ZDHHC15: variants seen among roughly 807,000 people sequenced by gnomAD.
ZDHHC15 encodes palmitoyltransferase ZDHHC15.
A neutral mutation model predicts 31.7 loss-of-function variants in ZDHHC15; 19 were observed. That is an observed-to-expected ratio of 0.60 (90% CI 0.42 to 0.88). The LOEUF (loss-of-function observed/expected upper bound fraction) is 0.88. Ranked by LOEUF, ZDHHC15 falls within the 40% of genes least tolerant of loss-of-function variation. The probability of loss-of-function intolerance (pLI) is 0.00; values close to 1 mark genes in which losing one functional copy is unlikely to be tolerated. For synonymous variants in ZDHHC15, 103 were observed against 90.0 expected, an observed-to-expected ratio of 1.14 and a Z score of -0.82; for missense variants, 209 against 251.2, an observed-to-expected ratio of 0.83 and a Z score of 1.14.
At position 75,368,464 on chromosome X, in the gene ZDHHC15, T is replaced by C; in HGVS notation, c.*4514A>G. 8.9e-6 allele frequency: 1 copy of C among 111,893 alleles called. No homozygotes were observed. 9.2% of individuals were successfully genotyped at this position (111,893 alleles called of 1,213,427 possible). A position where few individuals can be genotyped will look rare whatever the true frequency, so the allele number is the denominator to read the frequency against. The stretch of plus-strand genomic sequence containing the variant: ...ACTTTTAATGAAGGATATAGGAAGA[T>C]AAAGCTGGCCAGCATTTGTCAATAT... On this transcript the variant is annotated 3_prime_UTR_variant, in exon 12 of 12. Coordinates refer to ENST00000373367, the MANE Select transcript of ZDHHC15 (RefSeq NM_144969.3).
At chrX:75,499,160 G>A (rs953980055) in intron 2 of ZDHHC15, among the ~76,000 whole-genome samples, 1 of 111,262 alleles carries the variant, frequency 9.0e-6, no homozygotes, top group Non-Finnish European at 1.9e-5. Context: ...CTTAACCTAA[G>A]ACCTGAAATC....
intron 1 of ZDHHC15, among the ~76,000 whole-genome samples, chrX:75,510,702 A>G (rs368613078): frequency 0.058 from 4,662 of 79,895 alleles, 209 homozygotes; most frequent in South Asian, 0.16. Flanking sequence ...CATTAGGTAT[A>G]TCTCCCAATG....
intron 3 of ZDHHC15, among the ~76,000 whole-genome samples, chrX:75,454,908 G>C (rs904558371): frequency 4.1e-4 from 46 of 111,744 alleles, no homozygotes; most frequent in South Asian, 2.2e-3. Flanking sequence ...CTCATGGATA[G>C]GAAGAATCAA....
At chrX:75,494,808 C>T (rs1222824907) in intron 2 of ZDHHC15, among the ~76,000 whole-genome samples, 16 of 111,925 alleles carry the variant, frequency 1.4e-4, no homozygotes, top group Middle Eastern at 9.2e-3. Context: ...ACTTAAATGT[C>T]AGACCTAAAA....
At chrX:75,518,660 A>G (rs1208011487) in intron 1 of ZDHHC15, among the ~76,000 whole-genome samples, 1 of 105,157 alleles carries the variant, frequency 9.5e-6, no homozygotes, top group East Asian at 3.0e-4. Context: ...AAATAATTGA[A>G]GACAGATATT....
In ZDHHC15 at chrX:75,369,594, C is replaced by G. The variant is rs1216948136; in HGVS notation, c.*3384G>C. 1 of 112,014 alleles carries G rather than the reference C, an allele frequency of 8.9e-6. No homozygotes were observed. The highest frequency in any genetic ancestry group is 3.2e-5 in the African/African-American group (1 of 30,787). 9.2% of individuals were successfully genotyped at this position (112,014 alleles called of 1,213,427 possible). On this transcript the variant is annotated 3_prime_UTR_variant, in exon 12 of 12. Coordinates refer to ENST00000373367, the MANE Select transcript of ZDHHC15 (RefSeq NM_144969.3). ...AGTGCATTCTTTACCTTGGCAATGT[C>G]TGCCCTGAGATTGGGCTCTATGGTG...
At chrX:75,403,082 A>T (rs2083374679) in intron 10 of ZDHHC15, among the ~76,000 whole-genome samples, 1 of 112,562 alleles carries the variant, frequency 8.9e-6, no homozygotes, top group Non-Finnish European at 1.9e-5. Context: ...AGTTGTTTCA[A>T]CATATGAAAA....
intron 2 of ZDHHC15, among the ~76,000 whole-genome samples, chrX:75,495,511 G>A (rs2084978964): frequency 9.0e-6 from 1 of 110,721 alleles, no homozygotes; most frequent in Non-Finnish European, 1.9e-5. Context: ...ATTCACAACA[G>A]CAAAGACTTG....
intron 2 of ZDHHC15, among the ~76,000 whole-genome samples, chrX:75,496,188 G>C (rs190106587): frequency 1.1e-4 from 12 of 111,044 alleles, no homozygotes; most frequent in African/African-American, 3.9e-4. Flanking sequence ...GAAACCAAAA[G>C]TGAACCAGAG....
At position 75,388,184 on chromosome X, in the gene ZDHHC15, A is replaced by C. The variant is rs1001008180; in HGVS notation, c.968-8986T>G. 1.1e-4 allele frequency among the ~76,000 whole-genome samples: 12 copies of C among 112,516 alleles called. No homozygotes were observed. In the Admixed American group the frequency reaches 1.1e-3, roughly 11 times the overall value. On this transcript the variant is annotated intron_variant, in intron 10 of 11. Coordinates refer to ENST00000373367, the MANE Select transcript of ZDHHC15 (RefSeq NM_144969.3). ...CCATCACCAGACCAATCTTACAAGA[A>C]ATGGTAAAGGAGCTCTTCAATTTGA...
intron 11 of ZDHHC15, among the ~76,000 whole-genome samples, chrX:75,374,253 G>A (rs1015250317): frequency 3.7e-5 from 4 of 109,339 alleles, no homozygotes; most frequent in African/African-American, 1.3e-4. Context: ...CTAGGTTTGG[G>A]ATAGCATTAG....
intron 3 of ZDHHC15, among the ~76,000 whole-genome samples, chrX:75,451,488 C>T (rs779233534): frequency 1.8e-5 from 2 of 111,920 alleles, no homozygotes; most frequent in Non-Finnish European, 3.8e-5. Flanking sequence ...GAGCTTGTTG[C>T]CACAATAGTG....
Position 75,373,926 on chromosome X carries a change from G to GTTTTTTTTTTTT in ZDHHC15, c.*33-993_*33-982dup, listed in dbSNP as rs35704680. Among the ~76,000 whole-genome samples the GTTTTTTTTTTTT allele has an allele frequency of 5.2e-3, 260 of 50,444 alleles. 31 individuals carry two copies. The highest frequency in any genetic ancestry group is 5.3e-3 in the Non-Finnish European group (156 of 29,374). The allele number at this position is 50,444 out of a possible 115,157, so 43.8% of individuals were successfully genotyped here. A position where few individuals can be genotyped will look rare whatever the true frequency, so the allele number is the denominator to read the frequency against. Reference sequence around the variant, plus strand: ...ATACTAGGTCTTATTCATTCTTTCTGTTTTTTTTTTTTTTTTTTTTTTGTA... The same window carrying GTTTTTTTTTTTT: ...ATACTAGGTCTTATTCATTCTTTCTGTTTTTTTTTTTTTTTTTTTTTTTTTTTTTTTTTTGTA... On this transcript the variant is annotated intron_variant, in intron 11 of 11. Coordinates refer to ENST00000373367, the MANE Select transcript of ZDHHC15 (RefSeq NM_144969.3).
At chrX:75,469,643 G>T (rs913089513) in intron 3 of ZDHHC15, among the ~76,000 whole-genome samples, 6 of 111,759 alleles carry the variant, frequency 5.4e-5, no homozygotes, top group Non-Finnish European at 1.1e-4. Flanking sequence ...CATTTGGGTT[G>T]CTTCCACCTT....
intron 3 of ZDHHC15, among the ~76,000 whole-genome samples, chrX:75,453,202 G>C (rs1041086716): frequency 3.6e-5 from 4 of 111,339 alleles, no homozygotes; most frequent in Non-Finnish European, 5.7e-5. Flanking sequence ...AAATGATAAA[G>C]GGGATATCAC....
chrX:75,477,845 C>T (rs1278318073), intron 3 of ZDHHC15, among the ~76,000 whole-genome samples: 1 of 111,682 alleles, frequency 9.0e-6, no homozygotes, highest in Non-Finnish European at 1.9e-5. Context: ...TAGTTTAATC[C>T]ATTTATGTTT....
At chrX:75,492,428 G>A (rs1460342657) in intron 2 of ZDHHC15, among the ~76,000 whole-genome samples, 1 of 111,023 alleles carries the variant, frequency 9.0e-6, no homozygotes, top group African/African-American at 3.3e-5. Flanking sequence ...GCACCAAGCG[G>A]ACCTAATAGA....
chrX:75,476,709 C>T (rs182879253), intron 3 of ZDHHC15, among the ~76,000 whole-genome samples: 23 of 103,048 alleles, frequency 2.2e-4, no homozygotes, highest in African/African-American at 7.7e-4. Context: ...CTCCTCCCTT[C>T]CCTCCCTTCT....
At chrX:75,395,897 G>C (rs1165479750) in intron 10 of ZDHHC15, among the ~76,000 whole-genome samples, 1 of 112,062 alleles carries the variant, frequency 8.9e-6, no homozygotes, top group Non-Finnish European at 1.9e-5. Context: ...ACTGGGAAAA[G>C]AACACTCTCT....
Sources: allele counts gnomAD v4.1 joint callset (sites outside exome capture counted in the v4.1 genomes callset), GRCh38; gene constraint gnomAD v4.1.1; transcripts MANE v1.5; gene names NCBI Gene and HGNC (gene_info 2026-07-23, HGNC 2026-07-21).